The following STOX1 variants were observed in gnomAD, a reference collection of about 807,000 sequenced individuals.
The protein encoded by STOX1 is storkhead-box protein 1.
STOX1 carries 57 observed loss-of-function variants against 74.8 expected under a neutral mutation model. That is an observed-to-expected ratio of 0.76 (90% CI 0.62 to 0.95). STOX1 has a LOEUF of 0.95. STOX1 is among the 40% of genes least tolerant of loss of function. The pLI is 0.00. For missense variants in STOX1, 1,010 were observed against 1,117.0 expected (o/e 0.90, Z 1.37); for synonymous variants, 375 against 401.3 (o/e 0.93, Z 0.78).
Position 68,886,511 on chromosome 10 carries a change from C to T in STOX1, c.2715C>T (p.Asn905=), listed in dbSNP as rs771103100. Residue 905 remains asparagine, a synonymous_variant, in exon 3 of 4, where the codon AAC becomes AAT. Coordinates refer to ENST00000298596, the MANE Select transcript of STOX1 (RefSeq NM_152709.5). ...TCCCACAAAAGTTCCAACTTTTCAA[C>T]ACTTCACATATGCCAGTGTTGGCTC... The part of the protein sequence containing the change: ...KHFPQKFQLF[N]TSHMPVLAQD... The T allele has an allele frequency of 1.2e-6, 2 of 1,614,118 alleles. No individual in the cohort carries two copies. The highest frequency in any genetic ancestry group is 1.1e-5 in the South Asian group (1 of 91,060).
intron 3 of STOX1, among the ~76,000 whole-genome samples, chr10:68,890,460 G>C (rs914563958): frequency 6.6e-6 from 1 of 152,032 alleles, no homozygotes. Context: ...ACTGTGCCCA[G>C]CCTATTTTCC....
intron 2 of STOX1, among the ~76,000 whole-genome samples, chr10:68,882,355 C>G (rs1333226322): frequency 6.6e-6 from 1 of 152,134 alleles, no homozygotes; most frequent in Non-Finnish European, 1.5e-5. Flanking sequence ...AAATCACACT[C>G]TGTGGAAAGG....
intron 1 of STOX1, among the ~76,000 whole-genome samples, chr10:68,868,524 C>T (rs561901656): frequency 7.9e-5 from 12 of 152,172 alleles, no homozygotes; most frequent in African/African-American, 2.7e-4. Flanking sequence ...ATAGCCATCA[C>T]GAGCATGTCA....
Position 68,892,678 on chromosome 10 carries a change from G to A in STOX1, c.2912G>A (p.Ser971Asn), listed in dbSNP as rs369415852. The change falls in exon 4 of 4, where the codon AGC becomes AAC. Residue 971 changes from serine (S) to asparagine (N), a missense_variant. Physicochemically the swap from Ser to Asn is conservative, Grantham distance 46 (BLOSUM62 1). Transcript: ENST00000298596. ...CTGCAAAATGTCGAAGGCACAAAGA[G>A]CAGTCAACCACTCACATCTAATTCC... ...NFLQNVEGTKSSQPLTSNSLL... is the reference protein window; with the variant it reads ...NFLQNVEGTKNSQPLTSNSLL... 9.9e-6 allele frequency: 16 copies of A among 1,613,856 alleles called. No homozygotes were observed. In the African/African-American group the frequency reaches 1.6e-4, roughly 16 times the overall value.
intron 1 of STOX1, among the ~76,000 whole-genome samples, chr10:68,873,260 T>C (rs1000368911): frequency 6.8e-5 from 3 of 44,166 alleles, no homozygotes; most frequent in Non-Finnish European, 1.8e-4. Context: ...CAAGAGCATT[T>C]TTTTTTTTTT....
chr10:68,871,579 A>G (rs1411957519), intron 1 of STOX1, among the ~76,000 whole-genome samples: 4 of 152,210 alleles, frequency 2.6e-5, no homozygotes, highest in African/African-American at 9.6e-5. Flanking sequence ...ATGCTTGAGA[A>G]AGAATTCCAG....
intron 1 of STOX1, among the ~76,000 whole-genome samples, chr10:68,865,477 G>A (rs917959043): frequency 1.3e-5 from 2 of 152,096 alleles, no homozygotes; most frequent in Admixed American, 1.3e-4. Flanking sequence ...GTGAAACCCC[G>A]TCTCTACTAA....
At position 68,855,115 on chromosome 10, in the gene STOX1, TA is replaced by T. The variant is rs1035287675; in HGVS notation, c.311-26834del. On this transcript the variant is annotated intron_variant, in intron 1 of 3. Coordinates refer to ENST00000298596, the MANE Select transcript of STOX1 (RefSeq NM_152709.5). The stretch of plus-strand genomic sequence containing the variant: ...CCTGGGTGACAGAAAGACTGTTTCT[TA>T]AAAAAAAATTTTTTTTTTTTTTTTG... Among the ~76,000 whole-genome samples the T allele has an allele frequency of 1.0e-3, 86 of 84,298 alleles. No homozygotes were observed. The East Asian group carries it at 0.023, about 22-fold the overall frequency. The allele number at this position is 84,298 out of a possible 152,430, so 55.3% of individuals were successfully genotyped here. A position where few individuals can be genotyped will look rare whatever the true frequency, so the allele number is the denominator to read the frequency against.
chr10:68,885,347 T>TG lies in STOX1; in HGVS notation c.1552dup (p.Asp518GlyfsTer18), dbSNP rs766423640. 8 of 1,613,882 alleles carry TG rather than the reference T, an allele frequency of 5.0e-6. No homozygotes were observed. ...AAGGGCACAAAATTCAGAAGACGAG[T>TG]GATCTGAAACCCAGCCAGACTGGAC... On this transcript the variant is annotated frameshift_variant, in exon 3 of 4. Transcript: ENST00000298596. LOFTEE classifies it high-confidence loss of function.
At chr10:68,878,553 A>T (rs1181005666) in intron 1 of STOX1, among the ~76,000 whole-genome samples, 2 of 152,188 alleles carry the variant, frequency 1.3e-5, no homozygotes, top group Admixed American at 6.5e-5. Flanking sequence ...CCTAGAGGAG[A>T]TCATTCCCAG....
intron 1 of STOX1, among the ~76,000 whole-genome samples, chr10:68,835,053 T>G (rs1220079156): frequency 6.8e-6 from 1 of 146,154 alleles, no homozygotes; most frequent in Non-Finnish European, 1.5e-5. Flanking sequence ...GTTTATTGAT[T>G]TATTTTGAGA....
At chr10:68,846,119 T>TTTTTTATTATTATTA (rs1167242930) in intron 1 of STOX1, among the ~76,000 whole-genome samples, 88 of 135,832 alleles carry the variant, frequency 6.5e-4, no homozygotes, top group African/African-American at 1.9e-3. Context: ...GCTTGAGGTT[T>TTTTTTATTATTATTA]TTATTATTAT....
chr10:68,879,033 G>A (rs1470482011), intron 1 of STOX1, among the ~76,000 whole-genome samples: 2 of 152,138 alleles, frequency 1.3e-5, no homozygotes, highest in African/African-American at 4.8e-5. Context: ...AGGATCAGGG[G>A]CTCTGAATCA....
At position 68,884,941 on chromosome 10, in the gene STOX1, A is replaced by G. The variant is rs1840902393; in HGVS notation, c.1145A>G (p.Gln382Arg). 1 of 1,614,184 alleles carries G rather than the reference A, an allele frequency of 6.2e-7. No homozygotes were observed. The highest frequency in any genetic ancestry group is 8.5e-7 in the Non-Finnish European group (1 of 1,180,046). Residue 382 changes from glutamine to arginine, a missense_variant, in exon 3 of 4, where the codon CAA (glutamine) becomes CGA (arginine). Physicochemically the swap from Gln to Arg is conservative, Grantham distance 43. Coordinates refer to ENST00000298596, the MANE Select transcript of STOX1 (RefSeq NM_152709.5). The part of the protein sequence containing the change: ...DNLIKHTVLM[Q>R]KYEEQKKYNS... ...TTAATCAAACACACTGTCCTAATGC[A>G]AAAATACGAAGAACAGAAAAAATAT...
intron 1 of STOX1, among the ~76,000 whole-genome samples, chr10:68,853,990 CT>C (rs1232716820): frequency 1.1e-4 from 15 of 137,244 alleles, no homozygotes; most frequent in South Asian, 2.4e-4. Flanking sequence ...CAGCCTTTTT[CT>C]TTTTTTTTTT....
At chr10:68,882,263 A>G (rs1840829518) in intron 2 of STOX1, among the ~76,000 whole-genome samples, 153 bp downstream of exon 2, 1 of 152,200 alleles carries the variant, frequency 6.6e-6, no homozygotes, top group Non-Finnish European at 1.5e-5. Flanking sequence ...GTCCTGCATC[A>G]ACAAATTTGA....
At chr10:68,834,073 G>A (rs1839480581) in intron 1 of STOX1, among the ~76,000 whole-genome samples, 1 of 152,120 alleles carries the variant, frequency 6.6e-6, no homozygotes, top group Non-Finnish European at 1.5e-5. Flanking sequence ...TTGTGCTTTG[G>A]GAGGTACTGA....
chr10:68,875,896 C>T (rs2131983960), intron 1 of STOX1, among the ~76,000 whole-genome samples: 1 of 152,248 alleles, frequency 6.6e-6, no homozygotes, highest in South Asian at 2.1e-4. Flanking sequence ...CTGCTCTAGA[C>T]TTCACTGGAT....
At chr10:68,891,586 G>A (rs1482860972) in intron 3 of STOX1, among the ~76,000 whole-genome samples, 3 of 151,950 alleles carry the variant, frequency 2.0e-5, no homozygotes, top group Non-Finnish European at 2.9e-5. Context: ...GGTGGATCAC[G>A]AGGTCAGCAG....
Sources: gnomAD v4.1 joint callset for allele counts (sites outside exome capture counted in the v4.1 genomes callset) on GRCh38, gnomAD v4.1.1 for gene constraint, MANE v1.5 for transcripts, NCBI Gene and HGNC (gene_info 2026-07-23, HGNC 2026-07-21) for gene names.